Variants in PLAAT5 observed in about 807,000 individuals in gnomAD.
The protein encoded by PLAAT5 is phospholipase A and acyltransferase 5.
Under a neutral mutation model 27.8 loss-of-function variants are expected in PLAAT5, and 27 were observed. The observed-to-expected ratio is 0.97, with a 90% CI of 0.72 to 1.34. The LOEUF is 1.34. Ranked by LOEUF, PLAAT5 falls within the 40% of genes most tolerant of loss-of-function variation. PLAAT5 has a pLI of 0.00. For missense variants in PLAAT5, 368 were observed against 343.8 expected (o/e 1.07, Z -0.56); for synonymous variants, 125 against 136.1 (o/e 0.92, Z 0.57).
chr11:63,465,054 G>A (rs2015821264), intron 5 of PLAAT5, among the ~76,000 whole-genome samples: 1 of 152,096 alleles, frequency 6.6e-6, no homozygotes, highest in Admixed American at 6.5e-5. Context: ...GAGGCGGGTG[G>A]ATCACCTGAG....
At chr11:63,470,931 G>A (rs926289140) in intron 3 of PLAAT5, 4 of 152,090 alleles carry the variant, frequency 2.6e-5, no homozygotes, top group Non-Finnish European at 5.9e-5. Context: ...ATATAAAGAG[G>A]ACTGTAGTGC....
intron 5 of PLAAT5, among the ~76,000 whole-genome samples, chr11:63,464,305 GA>G (rs2015795457): frequency 6.6e-6 from 1 of 151,914 alleles, no homozygotes; most frequent in Non-Finnish European, 1.5e-5. Context: ...AAGAAACATA[GA>G]AAAAAAATAG....
chr11:63,472,050 GT>G (rs2120252372), intron 3 of PLAAT5, among the ~76,000 whole-genome samples: 1 of 152,252 alleles, frequency 6.6e-6, no homozygotes, highest in South Asian at 2.1e-4. Context: ...CAGGGTGGGG[GT>G]TGGAGGAGGG....
intron 3 of PLAAT5, among the ~76,000 whole-genome samples, chr11:63,481,178 G>C (rs374806181): frequency 6.6e-6 from 1 of 152,162 alleles, no homozygotes; most frequent in Non-Finnish European, 1.5e-5. Flanking sequence ...GGTGGCTCAC[G>C]CCTATAATCC....
chr11:63,477,154 G>C (rs765400586), intron 3 of PLAAT5, among the ~76,000 whole-genome samples: 12 of 151,968 alleles, frequency 7.9e-5, no homozygotes, highest in Non-Finnish European at 1.8e-4. Flanking sequence ...ACTCAAAATA[G>C]CAGTTTAGAA....
At chr11:63,490,460 G>T in intron 1 of PLAAT5, 127 bp from the exon 2 acceptor site, 5 of 1,471,988 alleles carry the variant, frequency 3.4e-6, no homozygotes, top group Non-Finnish European at 4.7e-6. Context: ...TTAGGCCTCA[G>T]AAAATCTTGG....
chr11:63,481,017 A>G (rs758773283), intron 3 of PLAAT5, among the ~76,000 whole-genome samples: 2 of 152,298 alleles, frequency 1.3e-5, no homozygotes, highest in East Asian at 1.9e-4. Context: ...TTTCATTTCC[A>G]TAAGTTGTGC....
Position 63,463,575 on chromosome 11 carries a change from T to G in PLAAT5, c.738A>C (p.Glu246Asp). 6.2e-7 allele frequency: 1 copy of G among 1,613,744 alleles called. No individual in the cohort carries two copies. The highest frequency in any genetic ancestry group is 1.1e-5 in the South Asian group (1 of 91,082). Reference sequence around the variant, plus strand: ...TAACTGCTCCAGCAGCCTTCGCTCCTTCCATCAGGGCGTGCTCTACCTGCA... The same window carrying G: ...TAACTGCTCCAGCAGCCTTCGCTCCGTCCATCAGGGCGTGCTCTACCTGCA... ...RSQQVEHALM[E>D]GAKAAGAVIS... Residue 246 changes from glutamate to aspartate, a missense_variant, in exon 6 of 6, where the codon GAA (glutamate) becomes GAC (aspartate). Transcript: ENST00000540857.
chr11:63,483,785 ATATATATATATATATGTATATATAT>A (rs1290703986), intron 3 of PLAAT5, among the ~76,000 whole-genome samples: 13 of 88,602 alleles, frequency 1.5e-4, no homozygotes, highest in African/African-American at 5.8e-4. Context: ...CAAAAAAAAA[ATATATATATATATATGTATATATAT>A]ATATATATAT....
chr11:63,487,645 C>T (rs1193599208), intron 3 of PLAAT5, among the ~76,000 whole-genome samples: 1 of 152,022 alleles, frequency 6.6e-6, no homozygotes, highest in Non-Finnish European at 1.5e-5. Context: ...ACATATTCAC[C>T]CAAGAGGAAA....
At chr11:63,490,500 G>A in intron 1 of PLAAT5, 167 bp from the exon 2 acceptor site, 2 of 1,055,222 alleles carry the variant, frequency 1.9e-6, no homozygotes, top group South Asian at 1.5e-5. Flanking sequence ...GGAACTAGGT[G>A]CTGGAGCGGG....
At chr11:63,476,792 C>T (rs1055374910) in intron 3 of PLAAT5, among the ~76,000 whole-genome samples, 7 of 152,090 alleles carry the variant, frequency 4.6e-5, no homozygotes, top group African/African-American at 1.7e-4. Flanking sequence ...TATCATCTCT[C>T]TTTCTGGGAC....
At chr11:63,464,349 T>C (rs1259273713) in intron 5 of PLAAT5, among the ~76,000 whole-genome samples, 2 of 152,242 alleles carry the variant, frequency 1.3e-5, no homozygotes, top group Non-Finnish European at 2.9e-5. Context: ...TCCTTAATTT[T>C]TTCCATCTCT....
At chr11:63,478,241 A>AT (rs1310966737) in intron 3 of PLAAT5, among the ~76,000 whole-genome samples, 4 of 151,708 alleles carry the variant, frequency 2.6e-5, no homozygotes, top group African/African-American at 9.7e-5. Context: ...GAACTTCCTT[A>AT]CCACAACCGC....
At chr11:63,488,153 T>A (rs2732323) in intron 3 of PLAAT5, among the ~76,000 whole-genome samples, 110,916 of 151,550 alleles carry the variant, frequency 0.73, 41,505 homozygotes, top group Middle Eastern at 0.84. Flanking sequence ...TCGAAAAAAA[T>A]ATATATAGTT....
At position 63,489,542 on chromosome 11, in the gene PLAAT5, T is replaced by C. The variant is rs1035500626; in HGVS notation, c.240-566A>G. ...TCAAGCATATTAAATTAAGGTAGTA[T>C]AGTAGAGTAAAATACTTCGAAGCCA... On this transcript the variant is annotated intron_variant, in intron 2 of 5. Transcript: ENST00000540857. Among the ~76,000 whole-genome samples, 11 of 152,316 alleles carry C rather than the reference T, an allele frequency of 7.2e-5. No individual in the cohort carries two copies. The East Asian group carries it at 2.1e-3, about 29-fold the overall frequency.
At chr11:63,482,499 G>A (rs1389005610) in intron 3 of PLAAT5, among the ~76,000 whole-genome samples, 3 of 152,134 alleles carry the variant, frequency 2.0e-5, no homozygotes, top group Non-Finnish European at 2.9e-5. Flanking sequence ...CAAGAATTTT[G>A]TATCCAGCAA....
chr11:63,490,989 G>A lies in PLAAT5; in HGVS notation c.46C>T (p.Pro16Ser), dbSNP rs763849992. 8 of 1,560,672 alleles carry A rather than the reference G, an allele frequency of 5.1e-6. No individual in the cohort carries two copies. Among genetic ancestry groups the A allele is most frequent in the Non-Finnish European group, 6.9e-6 (8 of 1,154,224 alleles). Residue 16 changes from proline (P) to serine (S), a missense_variant, in exon 1 of 6, where the codon CCT becomes TCT. Transcript: ENST00000540857. ...GAEGEYALRL[P>S]RIPPPLPKPA... Reference sequence around the variant, plus strand: ...TTGGGGAGGGGTGGGGGAATCCTAGGGAGGCGGAGCGCGTACTCCCCCTCG... The same window carrying A: ...TTGGGGAGGGGTGGGGGAATCCTAGAGAGGCGGAGCGCGTACTCCCCCTCG...
At chr11:63,486,829 T>G (rs1402561631) in intron 3 of PLAAT5, among the ~76,000 whole-genome samples, 1 of 152,072 alleles carries the variant, frequency 6.6e-6, no homozygotes, top group Non-Finnish European at 1.5e-5. Flanking sequence ...CAGATAAAAA[T>G]GTATCAAATA....
Sources: allele counts gnomAD v4.1 joint callset (sites outside exome capture counted in the v4.1 genomes callset), GRCh38; gene constraint gnomAD v4.1.1; transcripts MANE v1.5; gene names NCBI Gene and HGNC (gene_info 2026-07-23, HGNC 2026-07-21).